Variants in ARMC12 observed in about 807,000 individuals in gnomAD.
The protein encoded by ARMC12 is armadillo repeat-containing protein 12.
Under a neutral mutation model 37.4 loss-of-function variants are expected in ARMC12, and 25 were observed. The observed-to-expected ratio is 0.67, with a 90% confidence interval of 0.49 to 0.93. The LOEUF is 0.93. Among genes scored for constraint, ARMC12 ranks in the 40% least tolerant of loss-of-function variants. ARMC12 has a pLI of 0.00. For missense variants in ARMC12, 384 were observed against 426.6 expected (o/e 0.90, Z 0.88); for synonymous variants, 167 against 176.1 (o/e 0.95, Z 0.41).
In ARMC12 at chr6:35,747,419, C is replaced by T; in HGVS notation, c.603C>T (p.Asp201=). The T allele has an allele frequency of 6.2e-7, 1 of 1,614,224 alleles. No individual in the cohort carries two copies. Among genetic ancestry groups the T allele is most frequent in the East Asian group, 2.2e-5 (1 of 44,884 alleles). The change falls in exon 4 of 6, where the codon GAC becomes GAT. Residue 201 remains aspartate, a synonymous_variant. Transcript: ENST00000373866. ...MPALMEILQS[D]YILAQVQAVR... Reference sequence around the variant, plus strand: ...CCTTGATGGAGATCCTGCAGTCAGACTACATCCTGGCACAGGTGCCTGAGG... The same window carrying T: ...CCTTGATGGAGATCCTGCAGTCAGATTACATCCTGGCACAGGTGCCTGAGG...
chr6:35,737,000 C>T, upstream of ARMC12: 1 of 1,508,772 alleles, frequency 6.6e-7, no homozygotes, highest in East Asian at 2.3e-5. Flanking sequence ...TGCCTAGGTT[C>T]CAATTCTGGT....
chr6:35,739,244 G>GT (rs1438526457), intron 3 of ARMC12, among the ~76,000 whole-genome samples: 1 of 152,184 alleles, frequency 6.6e-6, no homozygotes, highest in Non-Finnish European at 1.5e-5. Flanking sequence ...GTTACAGGGA[G>GT]AAGGCCAGGA....
intron 3 of ARMC12, among the ~76,000 whole-genome samples, chr6:35,745,993 C>G (rs527837396): frequency 6.6e-6 from 1 of 151,988 alleles, no homozygotes; most frequent in Non-Finnish European, 1.5e-5. Flanking sequence ...TTGCAGTGAC[C>G]CAAGATCTCA....
At chr6:35,731,800 C>T in the ARMC12 span, among the ~76,000 whole-genome samples, 41 of 152,156 alleles carry the variant, frequency 2.7e-4, no homozygotes, top group Non-Finnish European at 5.1e-4. Context: ...AACCTGGGCC[C>T]AGCGCTCAGC....
rs774068333 is a variant in ARMC12, at chr6:35,738,422, C to T, written c.348C>T (p.Gly116=). The change falls in exon 3 of 6, where the codon GGC becomes GGT. Residue 116 remains glycine, a synonymous_variant. Transcript: ENST00000373866. The stretch of plus-strand genomic sequence containing the variant: ...CTACGGATGACATCGTGTTGCTGGG[C>T]TACATGCTGGATGACAAGGACAACA... ...ACTTDDIVLL[G]YMLDDKDNSV... 1 of 1,613,702 alleles carries T rather than the reference C, an allele frequency of 6.2e-7. No homozygotes were observed. Among genetic ancestry groups the T allele is most frequent in the Non-Finnish European group, 8.5e-7 (1 of 1,179,978 alleles).
chr6:35,732,753 CAGTTT>C (rs1285002441), upstream of ARMC12, among the ~76,000 whole-genome samples: 1 of 152,184 alleles, frequency 6.6e-6, no homozygotes, highest in Non-Finnish European at 1.5e-5. Context: ...CTTAGGAACA[CAGTTT>C]AGGGGAATGT....
intron 3 of ARMC12, among the ~76,000 whole-genome samples, chr6:35,745,532 G>A (rs142577724): frequency 3.3e-5 from 5 of 152,268 alleles, no homozygotes; most frequent in Non-Finnish European, 7.4e-5. Context: ...GTGGCAATGG[G>A]ACAGTTCTGG....
rs908969683 is a variant in ARMC12 at position 35,745,609 on chromosome 6, T to C, written c.445-1652T>C. ...TGCATGTGCTGAAATGACATAGAAC[T>C]ATGCACACATATTACACCAACACCA... On this transcript the variant is annotated intron_variant, in intron 3 of 5. Coordinates refer to ENST00000373866, the MANE Select transcript of ARMC12 (RefSeq NM_001286574.2). 5.9e-5 allele frequency among the ~76,000 whole-genome samples: 9 copies of C among 152,248 alleles called. No homozygotes were observed. In the East Asian group the frequency reaches 1.7e-3, roughly 29 times the overall value.
Position 35,738,457 on chromosome 6 carries a change from C to A in ARMC12, c.383C>A (p.Thr128Asn), listed in dbSNP as rs766322738. The A allele has an allele frequency of 1.9e-6, 3 of 1,613,970 alleles. No homozygotes were observed. The South Asian group carries it at 3.3e-5, about 18-fold the overall frequency. ...MLDDKDNSVK[T>N]QALNTLKAFS... Reference sequence around the variant, plus strand: ...GATGACAAGGACAACAGTGTCAAAACCCAAGCTCTGAATACACTTAAAGCT... The same window carrying A: ...GATGACAAGGACAACAGTGTCAAAAACCAAGCTCTGAATACACTTAAAGCT... Residue 128 changes from threonine to asparagine, a missense_variant, in exon 3 of 6, where the codon ACC (threonine) becomes AAC (asparagine). By Grantham distance (65) the Thr-to-Asn change is moderately conservative (BLOSUM62 0). Transcript: ENST00000373866.
Position 35,749,045 on chromosome 6 carries a change from G to A in ARMC12, c.*175G>A, listed in dbSNP as rs1767428452. ...AAAACACATCCCCACTTCTATGTTT[G>A]GGGGACTAGCTCCCCTCTTCTCTTG... On this transcript the variant is annotated 3_prime_UTR_variant, in exon 6 of 6. Coordinates refer to ENST00000373866, the MANE Select transcript of ARMC12 (RefSeq NM_001286574.2). 8 of 593,346 alleles carry A rather than the reference G, an allele frequency of 1.3e-5. No individual in the cohort carries two copies. The highest frequency in any genetic ancestry group is 6.3e-5 in the East Asian group (2 of 31,722). 36.8% of individuals were successfully genotyped at this position (593,346 alleles called of 1,614,324 possible). A position where few individuals can be genotyped will look rare whatever the true frequency, so the allele number is the denominator to read the frequency against.
chr6:35,748,806 A>G lies in ARMC12; in HGVS notation c.959A>G (p.Gln320Arg), dbSNP rs779196553. The G allele has an allele frequency of 1.2e-6, 2 of 1,614,212 alleles. No individual in the cohort carries two copies. Among genetic ancestry groups the G allele is most frequent in the Non-Finnish European group, 1.7e-6 (2 of 1,180,028 alleles). ...CKVIVSLQYPQDLRARPSSCQ... is the reference protein window; with the variant it reads ...CKVIVSLQYPRDLRARPSSCQ... The stretch of plus-strand genomic sequence containing the variant: ...GTCATTGTCAGCCTGCAGTATCCCC[A>G]GGACTTGAGAGCCCGGCCCTCCTCC... The change falls in exon 6 of 6, where the codon CAG becomes CGG. Residue 320 changes from glutamine to arginine, a missense_variant. Gln to Arg is a conservative substitution (Grantham distance 43). Transcript: ENST00000373866.
rs538247736 is a variant in ARMC12 at position 35,747,064 on chromosome 6, A to G, written c.445-197A>G. ...AGCTAGGAAAGAAGTCTGTAAAAAA[A>G]AAAAAAAAAAAGCCAAATAAAGAAT... On this transcript the variant is annotated intron_variant, in intron 3 of 5. Coordinates refer to ENST00000373866, the MANE Select transcript of ARMC12 (RefSeq NM_001286574.2). Among the ~76,000 whole-genome samples, 1,088 of 151,176 alleles carry G rather than the reference A, an allele frequency of 7.2e-3. 18 individuals carry two copies. Among genetic ancestry groups the G allele is most frequent in the South Asian group, 0.013 (62 of 4,788 alleles).
chr6:35,742,914 G>A (rs1375276728), intron 3 of ARMC12, among the ~76,000 whole-genome samples: 1 of 152,226 alleles, frequency 6.6e-6, no homozygotes, highest in Non-Finnish European at 1.5e-5. Context: ...AGCATAAAGT[G>A]CGTGATTGGC....
intron 5 of ARMC12, 126 bp downstream of exon 5, chr6:35,747,773 A>C (rs536891102): frequency 1.1e-6 from 1 of 936,890 alleles, no homozygotes; most frequent in South Asian, 1.6e-5. Flanking sequence ...CCTCTGCACT[A>C]AATGCACTGA....
upstream of ARMC12, among the ~76,000 whole-genome samples, chr6:35,733,423 C>G (rs754149585): frequency 6.6e-6 from 1 of 152,048 alleles, no homozygotes; most frequent in Non-Finnish European, 1.5e-5. Context: ...TCCTCACAAA[C>G]AATCCCATGA....
chr6:35,740,903 T>G (rs1006001653), intron 3 of ARMC12, among the ~76,000 whole-genome samples: 1 of 149,964 alleles, frequency 6.7e-6, no homozygotes, highest in Non-Finnish European at 1.5e-5. Flanking sequence ...TCTGGTTTTT[T>G]TTTTTTTTTT....
At position 35,747,574 on chromosome 6, in the gene ARMC12, A is replaced by G; in HGVS notation, c.619-2A>G. ...TCATGCTTTACTCTTTCCTTTATTC[A>G]GGTGCAAGCCGTACGACTGCTGAGC... On this transcript the variant is annotated splice_acceptor_variant, in intron 4 of 5. Transcript: ENST00000373866. LOFTEE classifies it high-confidence loss of function. 1 of 1,614,124 alleles carries G rather than the reference A, an allele frequency of 6.2e-7. No individual in the cohort carries two copies. The highest frequency in any genetic ancestry group is 8.5e-7 in the Non-Finnish European group (1 of 1,179,982).
chr6:35,747,585 G>A lies in ARMC12; in HGVS notation c.628G>A (p.Val210Ile), dbSNP rs148836342. 1.1e-3 allele frequency: 1,740 copies of A among 1,614,186 alleles called. No homozygotes were observed. The highest frequency in any genetic ancestry group is 1.4e-3 in the Non-Finnish European group (1,626 of 1,180,012). ...TCTTTCCTTTATTCAGGTGCAAGCCGTACGACTGCTGAGCTACCTGGCACA... is the reference window on the plus strand; with the variant it reads ...TCTTTCCTTTATTCAGGTGCAAGCCATACGACTGCTGAGCTACCTGGCACA... ...SDYILAQVQAVRLLSYLAQKN... is the reference protein window; with the variant it reads ...SDYILAQVQAIRLLSYLAQKN... The change falls in exon 5 of 6, where the codon GTA becomes ATA. Residue 210 changes from valine (V) to isoleucine (I), a missense_variant. Coordinates refer to ENST00000373866, the MANE Select transcript of ARMC12 (RefSeq NM_001286574.2).
the ARMC12 span, among the ~76,000 whole-genome samples, chr6:35,731,915 GGAGA>G: frequency 2.0e-5 from 3 of 152,234 alleles, no homozygotes; most frequent in Non-Finnish European, 4.4e-5. Context: ...GCCGAGCGCG[GGAGA>G]GAAAGAGTTA....
Sources: allele counts gnomAD v4.1 joint callset (sites outside exome capture counted in the v4.1 genomes callset), GRCh38; gene constraint gnomAD v4.1.1; transcripts MANE v1.5; gene names NCBI Gene and HGNC (gene_info 2026-07-23, HGNC 2026-07-21).